LMO3: variants seen among roughly 807,000 people sequenced by gnomAD.
The protein encoded by LMO3 is LIM domain only 3, also known as LIM domain only protein 3.
In LMO3, 2 loss-of-function variants were observed where a neutral mutation model predicts 15.8. The observed-to-expected ratio is 0.13, with a 90% CI of 0.05 to 0.40. The LOEUF is 0.40. Among genes scored for constraint, LMO3 ranks in the 10% least tolerant of loss-of-function variants. The pLI is 0.99. For missense variants in LMO3, 86 were observed against 182.2 expected (o/e 0.47, Z 3.04); for synonymous variants, 62 against 63.8 (o/e 0.97, Z 0.13).
intron 2 of LMO3, among the ~76,000 whole-genome samples, chr12:16,569,877 T>A (rs556889076): frequency 6.6e-6 from 1 of 152,170 alleles, no homozygotes; most frequent in South Asian, 2.1e-4. Flanking sequence ...ATTTTAACTA[T>A]ATCTTTAAAG....
intron 3 of LMO3, among the ~76,000 whole-genome samples, chr12:16,554,750 G>A (rs962806124): frequency 5.9e-5 from 9 of 152,122 alleles, no homozygotes; most frequent in Non-Finnish European, 4.4e-5. Context: ...TCCGCCTCCC[G>A]GGTTCCCGCC....
chr12:16,553,222 C>G lies in LMO3; in HGVS notation c.333-1895G>C, dbSNP rs1942058351. 3.9e-5 allele frequency among the ~76,000 whole-genome samples: 6 copies of G among 152,188 alleles called. No homozygotes were observed. The South Asian group carries it at 1.2e-3, about 31-fold the overall frequency. On this transcript the variant is annotated intron_variant, in intron 3 of 3. Coordinates refer to ENST00000537304, the MANE Select transcript of LMO3 (RefSeq NM_018640.5). The stretch of plus-strand genomic sequence containing the variant: ...AACCTAAGACTCCGTGCCAGAATTT[C>G]AAAGCCCTGCCCAAGATTCTGTAGT...
rs1942347857 is a variant in LMO3 at position 16,560,245 on chromosome 12, C to T, written c.332+168G>A. ...TTCAGGTAGAAGTAAGTCTTAAGAC[C>T]TTTCTTCTCCTTAGTAGCTTGTCTC... On this transcript the variant is annotated intron_variant, in intron 3 of 3. Coordinates refer to ENST00000537304, the MANE Select transcript of LMO3 (RefSeq NM_018640.5). This position sits in a 1 kb window ranked among gnomAD's most constrained non-coding sequence, Gnocchi z 5.0. Among the ~76,000 whole-genome samples, 1 of 152,020 alleles carries T rather than the reference C, an allele frequency of 6.6e-6. No homozygotes were observed. The highest frequency in any genetic ancestry group is 2.4e-5 in the African/African-American group (1 of 41,384).
At chr12:16,564,872 A>C in intron 2 of LMO3, among the ~76,000 whole-genome samples, 1 of 152,134 alleles carries the variant, frequency 6.6e-6, no homozygotes. Flanking sequence ...TGCAGCCTTG[A>C]CCTCCTAGGC....
intron 2 of LMO3, among the ~76,000 whole-genome samples, chr12:16,590,653 TG>T (rs1274938111): frequency 6.6e-6 from 1 of 152,042 alleles, no homozygotes; most frequent in Non-Finnish European, 1.5e-5. Flanking sequence ...ATGACATCTT[TG>T]GTCAAGATCT....
At chr12:16,558,722 T>C (rs1942282698) in intron 3 of LMO3, among the ~76,000 whole-genome samples, 1 of 152,122 alleles carries the variant, frequency 6.6e-6, no homozygotes, top group Non-Finnish European at 1.5e-5. Context: ...TAGGCAACAA[T>C]CTGAATATCT....
At chr12:16,600,466 G>T in intron 2 of LMO3, 189 bp downstream of exon 2, 1 of 592,100 alleles carries the variant, frequency 1.7e-6, no homozygotes, top group Non-Finnish European at 3.0e-6. Flanking sequence ...AAATATTGTG[G>T]TTTGTTGGCT....
chr12:16,568,695 A>C (rs1565490415), intron 2 of LMO3, among the ~76,000 whole-genome samples: 1 of 152,250 alleles, frequency 6.6e-6, no homozygotes, highest in Non-Finnish European at 1.5e-5. Flanking sequence ...TAAAAAACTA[A>C]TTTCACCTTT....
At position 16,559,012 on chromosome 12, in the gene LMO3, A is replaced by G. The variant is rs1942294545; in HGVS notation, c.332+1401T>C. Among the ~76,000 whole-genome samples the G allele has an allele frequency of 5.9e-5, 9 of 152,190 alleles. 1 individual carries two copies. The South Asian group carries it at 1.9e-3, about 31-fold the overall frequency. Reference sequence around the variant, plus strand: ...AATATATGGTGGTGCTGAAATTTGAATCCCGTTCTCACTAGAAATGTCACA... The same window carrying G: ...AATATATGGTGGTGCTGAAATTTGAGTCCCGTTCTCACTAGAAATGTCACA... On this transcript the variant is annotated intron_variant, in intron 3 of 3. Transcript: ENST00000537304. The surrounding 1 kb of genome is among the most constrained non-coding windows in gnomAD (Gnocchi z 4.1).
intron 2 of LMO3, chr12:16,594,377 T>C (rs1943583845): frequency 2.4e-6 from 2 of 823,114 alleles, no homozygotes; most frequent in Admixed American, 3.1e-5. Flanking sequence ...TATAGAGACA[T>C]GGCTAATACA....
In LMO3 at chr12:16,604,740, G is replaced by T; in HGVS notation, c.-9+1326C>A. 1.9e-6 allele frequency: 2 copies of T among 1,060,296 alleles called. No homozygotes were observed. The highest frequency in any genetic ancestry group is 1.4e-6 in the Non-Finnish European group (1 of 704,714). The allele number at this position is 1,060,296 out of a possible 1,614,324, so 65.7% of individuals were successfully genotyped here. ...GTTTAAGCAGCAGTCTTTCAAAGCA[G>T]TTACAACAATAATATTTCGGTTCTT... is the stretch of plus-strand genomic sequence containing the variant. On this transcript the variant is annotated intron_variant, in intron 1 of 3. Transcript: ENST00000537304. The surrounding 1 kb of genome is among the most constrained non-coding windows in gnomAD (Gnocchi z 5.3).
At chr12:16,601,358 A>C (rs2137707196) in intron 1 of LMO3, among the ~76,000 whole-genome samples, 1 of 152,336 alleles carries the variant, frequency 6.6e-6, no homozygotes, top group East Asian at 1.9e-4. Context: ...ATGGGGTTAC[A>C]CTAACCTTAT....
chr12:16,551,416 G>T (rs111970892), intron 3 of LMO3, 89 bp from the exon 4 acceptor site: 1 of 770,422 alleles, frequency 1.3e-6, no homozygotes, highest in Non-Finnish European at 2.2e-6. Flanking sequence ...TAATAGTTTC[G>T]CATGGTAATT....
At position 16,555,299 on chromosome 12, in the gene LMO3, C is replaced by T. The variant is rs188487699; in HGVS notation, c.333-3972G>A. On this transcript the variant is annotated intron_variant, in intron 3 of 3. Transcript: ENST00000537304. This position sits in a 1 kb window ranked among gnomAD's most constrained non-coding sequence, Gnocchi z 5.5. The stretch of plus-strand genomic sequence containing the variant: ...TTCCCATTGCCTCCATCAACATCTT[C>T]TGACCATGTAAATTTGCTTATTCTG... Among the ~76,000 whole-genome samples the T allele has an allele frequency of 6.6e-6, 1 of 152,314 alleles. No homozygotes were observed. The highest frequency in any genetic ancestry group is 1.9e-4 in the East Asian group (1 of 5,176).
intron 2 of LMO3, among the ~76,000 whole-genome samples, chr12:16,564,800 T>G (rs976426718): frequency 1.3e-5 from 2 of 152,188 alleles, no homozygotes; most frequent in African/African-American, 4.8e-5. Flanking sequence ...TTAGAAGTTA[T>G]TTTATTTTAG....
rs1189929051 is a variant in LMO3 at position 16,589,939 on chromosome 12, A to AT, written c.206+10715dup. Among the ~76,000 whole-genome samples the AT allele has an allele frequency of 3.9e-5, 6 of 151,954 alleles. No homozygotes were observed. The East Asian group carries it at 1.2e-3, about 29-fold the overall frequency. On this transcript the variant is annotated intron_variant, in intron 2 of 3. Coordinates refer to ENST00000537304, the MANE Select transcript of LMO3 (RefSeq NM_018640.5). The surrounding 1 kb of genome is among the most constrained non-coding windows in gnomAD (Gnocchi z 4.2). ...TAGCTTTCTGGGAAGTATGTGTTGG[A>AT]TTTTTTTGTGCATGAAGTATAAATG...
upstream of LMO3, chr12:16,607,334 T>C (rs1944031848): frequency 6.6e-6 from 1 of 152,218 alleles, no homozygotes; most frequent in Admixed American, 6.5e-5. Flanking sequence ...CCAACAGCAC[T>C]GAGAAACATG....
At chr12:16,601,326 G>C (rs538798569) in intron 1 of LMO3, among the ~76,000 whole-genome samples, 80 of 152,264 alleles carry the variant, frequency 5.3e-4, no homozygotes, top group African/African-American at 1.8e-3. Context: ...GTGCTTGATG[G>C]TGGAAGGAGA....
chr12:16,580,083 AATATG>A (rs1943112991), intron 2 of LMO3, among the ~76,000 whole-genome samples: 1 of 152,226 alleles, frequency 6.6e-6, no homozygotes, highest in Non-Finnish European at 1.5e-5. Flanking sequence ...GATATTATAC[AATATG>A]ATATCATTTA....
Sources: allele counts gnomAD v4.1 joint callset (sites outside exome capture counted in the v4.1 genomes callset), GRCh38; gene constraint gnomAD v4.1.1; non-coding constraint Gnocchi (gnomAD v3.1); transcripts MANE v1.5; gene names NCBI Gene and HGNC (gene_info 2026-07-23, HGNC 2026-07-21).